The following PDZRN4 variants were observed in gnomAD, a reference collection of about 807,000 sequenced individuals.
PDZRN4 encodes the protein PDZ domain-containing RING finger protein 4.
A neutral mutation model predicts 99.0 loss-of-function variants in PDZRN4; 70 were observed. The ratio of observed to expected loss-of-function variants is 0.71; its 90% CI spans 0.58 to 0.86. The LOEUF (loss-of-function observed/expected upper bound fraction) is 0.86, where lower values mean the gene tolerates loss of function less well. Among genes scored for constraint, PDZRN4 ranks in the 40% least tolerant of loss-of-function variants. PDZRN4 has a pLI of 0.00. For missense variants in PDZRN4, 1,474 were observed against 1,331.2 expected (o/e 1.11, Z -1.67); for synonymous variants, 551 against 501.6 (o/e 1.10, Z -1.32).
chr12:41,573,138 A>C lies in PDZRN4; in HGVS notation c.2359A>C (p.Ser787Arg), dbSNP rs774224161. 45 of 1,614,048 alleles carry C rather than the reference A, an allele frequency of 2.8e-5. No individual in the cohort carries two copies. Among genetic ancestry groups the C allele is most frequent in the African/African-American group, 4.0e-5 (3 of 74,926 alleles). ...CACCCAGTCCTCTTCCGGACAGAGC[A>C]GTAAAGAGTCGACCTCCACCAAAGC... ...AATQSSSGQSSKESTSTKAKT... is the reference protein window; with the variant it reads ...AATQSSSGQSRKESTSTKAKT... The change falls in exon 10 of 10, where the codon AGT (serine) becomes CGT (arginine). Residue 787 changes from serine to arginine, a missense_variant. Coordinates refer to ENST00000402685, the MANE Select transcript of PDZRN4 (RefSeq NM_001164595.2).
chr12:41,572,400 A>G lies in PDZRN4; in HGVS notation c.1621A>G (p.Thr541Ala). 1 of 1,613,934 alleles carries G rather than the reference A, an allele frequency of 6.2e-7. No homozygotes were observed. The highest frequency in any genetic ancestry group is 8.5e-7 in the Non-Finnish European group (1 of 1,179,886). The change falls in exon 10 of 10, where the codon ACT becomes GCT. Residue 541 changes from threonine to alanine, a missense_variant. Physicochemically the swap from Thr to Ala is moderately conservative, Grantham distance 58 (BLOSUM62 0). Coordinates refer to ENST00000402685, the MANE Select transcript of PDZRN4 (RefSeq NM_001164595.2). ...KQEEEEGTTDTATSSSNNHEK... is the reference protein window; with the variant it reads ...KQEEEEGTTDAATSSSNNHEK... ...AGAAGAAGAAGAAGGCACAACAGAC[A>G]CTGCAACATCCTCATCCAACAACCA...
At chr12:41,235,510 T>C (rs1427634713) in intron 3 of PDZRN4, among the ~76,000 whole-genome samples, 1 of 152,016 alleles carries the variant, frequency 6.6e-6, no homozygotes, top group Non-Finnish European at 1.5e-5. Flanking sequence ...GATCAGGGAG[T>C]GAGTTCCTAT....
chr12:41,453,003 A>C (rs1952787828), intron 3 of PDZRN4, among the ~76,000 whole-genome samples: 1 of 152,136 alleles, frequency 6.6e-6, no homozygotes, highest in African/African-American at 2.4e-5. Context: ...CTATGATGCA[A>C]TCTTAACAGA....
At chr12:41,286,508 C>T (rs1951423931) in intron 3 of PDZRN4, among the ~76,000 whole-genome samples, 1 of 152,088 alleles carries the variant, frequency 6.6e-6, no homozygotes, top group East Asian at 1.9e-4. Context: ...ACTGGGCACA[C>T]ATTCTAAGGT....
At chr12:41,389,623 A>T (rs1952195096) in intron 3 of PDZRN4, among the ~76,000 whole-genome samples, 5 of 152,162 alleles carry the variant, frequency 3.3e-5, no homozygotes, top group Admixed American at 2.6e-4. Context: ...AGCAATGTAG[A>T]TGTAATATTA....
intron 3 of PDZRN4, among the ~76,000 whole-genome samples, chr12:41,383,583 C>A (rs909363945): frequency 1.3e-5 from 2 of 152,192 alleles, no homozygotes; most frequent in African/African-American, 4.8e-5. Context: ...AGTTAGAAAA[C>A]CCCTCCTTTG....
At chr12:41,418,560 ATC>A (rs1305218155) in intron 3 of PDZRN4, among the ~76,000 whole-genome samples, 4 of 152,216 alleles carry the variant, frequency 2.6e-5, no homozygotes, top group Non-Finnish European at 5.9e-5. Context: ...AGCAAGCTTC[ATC>A]TCTCTAAATA....
At chr12:41,400,828 A>G (rs1427201926) in intron 3 of PDZRN4, among the ~76,000 whole-genome samples, 1 of 152,196 alleles carries the variant, frequency 6.6e-6, no homozygotes, top group Non-Finnish European at 1.5e-5. Context: ...TCAAGTAGCT[A>G]ACTTCATTCC....
chr12:41,387,169 C>T (rs1952176504), intron 3 of PDZRN4, among the ~76,000 whole-genome samples: 1 of 152,158 alleles, frequency 6.6e-6, no homozygotes, highest in African/African-American at 2.4e-5. Flanking sequence ...GAACTATCAA[C>T]AGAGTACATA....
At chr12:41,226,740 C>T (rs1950997842) in intron 3 of PDZRN4, among the ~76,000 whole-genome samples, 1 of 152,116 alleles carries the variant, frequency 6.6e-6, no homozygotes, top group Non-Finnish European at 1.5e-5. Flanking sequence ...TTGCACCTGC[C>T]ATGCATTCTG....
At chr12:41,297,937 C>T (rs1342797533) in intron 3 of PDZRN4, among the ~76,000 whole-genome samples, 3 of 152,108 alleles carry the variant, frequency 2.0e-5, no homozygotes, top group Non-Finnish European at 4.4e-5. Context: ...TCTAAGCAAC[C>T]TAGAGAATCC....
chr12:41,349,646 A>G (rs1172024453), intron 3 of PDZRN4, among the ~76,000 whole-genome samples: 1 of 152,036 alleles, frequency 6.6e-6, no homozygotes, highest in Non-Finnish European at 1.5e-5. Flanking sequence ...TATATTCGAC[A>G]TCTATTGACT....
intron 3 of PDZRN4, among the ~76,000 whole-genome samples, chr12:41,503,936 A>G (rs79235327): frequency 0.082 from 12,539 of 152,186 alleles, 1,236 homozygotes; most frequent in East Asian, 0.32. Context: ...AAGGCTTATA[A>G]GAAAAGATAA....
At chr12:41,436,480 T>C (rs910501783) in intron 3 of PDZRN4, among the ~76,000 whole-genome samples, 1 of 152,162 alleles carries the variant, frequency 6.6e-6, no homozygotes, top group Non-Finnish European at 1.5e-5. Flanking sequence ...GATAAGCAAT[T>C]AAAAATCTCA....
chr12:41,502,203 C>T (rs781439912), intron 3 of PDZRN4, among the ~76,000 whole-genome samples: 2 of 152,044 alleles, frequency 1.3e-5, no homozygotes, highest in Non-Finnish European at 2.9e-5. Context: ...AGCCTCTTAT[C>T]GAATATCAAT....
At chr12:41,494,476 A>T (rs1032191251) in intron 3 of PDZRN4, among the ~76,000 whole-genome samples, 1 of 152,170 alleles carries the variant, frequency 6.6e-6, no homozygotes, top group African/African-American at 2.4e-5. Flanking sequence ...TTGTTATTAT[A>T]GTCTATTTCA....
At chr12:41,436,685 A>T (rs1379268628) in intron 3 of PDZRN4, among the ~76,000 whole-genome samples, 1 of 152,206 alleles carries the variant, frequency 6.6e-6, no homozygotes, top group Admixed American at 6.5e-5. Context: ...TGTTTGTAGT[A>T]TATCTTTAAG....
chr12:41,526,848 C>T (rs1938576515), intron 5 of PDZRN4, among the ~76,000 whole-genome samples: 2 of 152,114 alleles, frequency 1.3e-5, no homozygotes, highest in Admixed American at 1.3e-4. Context: ...CTCTTACATC[C>T]AAAGATTTTG....
At chr12:41,326,077 A>G (rs1442296452) in intron 3 of PDZRN4, among the ~76,000 whole-genome samples, 1 of 151,896 alleles carries the variant, frequency 6.6e-6, no homozygotes, top group Non-Finnish European at 1.5e-5. Flanking sequence ...TCAACCTCCC[A>G]GGTTCAAGCA....
Sources: gnomAD v4.1 joint callset for allele counts (sites outside exome capture counted in the v4.1 genomes callset) on GRCh38, gnomAD v4.1.1 for gene constraint, MANE v1.5 for transcripts, NCBI Gene and HGNC (gene_info 2026-07-23, HGNC 2026-07-21) for gene names.